ART3: variants seen among roughly 807,000 people sequenced by gnomAD.
ART3 encodes the protein ADP-ribosyltransferase 3 (inactive).
A neutral mutation model predicts 48.5 loss-of-function variants in ART3; 49 were observed. That is an observed-to-expected ratio of 1.01 (90% confidence interval 0.80 to 1.28). ART3 has a LOEUF of 1.28. Ranked by LOEUF, ART3 falls within the 50% of genes most tolerant of loss-of-function variation. The pLI is 0.00. For synonymous variants in ART3, 145 were observed against 157.2 expected (o/e 0.92, Z 0.58); for missense variants, 438 against 454.3 (o/e 0.96, Z 0.33).
intron 1 of ART3, among the ~76,000 whole-genome samples, chr4:76,068,185 TAAA>T (rs1319911403): frequency 6.6e-6 from 1 of 152,214 alleles, no homozygotes; most frequent in African/African-American, 2.4e-5. Flanking sequence ...CTTATGTAAA[TAAA>T]ATTCACAAAT....
At chr4:76,089,863 C>T (rs777407738) in intron 3 of ART3, among the ~76,000 whole-genome samples, 13 of 152,178 alleles carry the variant, frequency 8.5e-5, no homozygotes, top group Admixed American at 3.3e-4. Flanking sequence ...GGGCAGATCA[C>T]GGGGTCAGGT....
intron 1 of ART3, chr4:76,075,348 C>G (rs1720821016): frequency 6.6e-6 from 1 of 152,416 alleles, no homozygotes; most frequent in Admixed American, 6.5e-5. Flanking sequence ...TCTGACAATC[C>G]ACTGCTTTGT....
At chr4:76,097,818 A>G in intron 4 of ART3, 142 bp downstream of exon 4, 1 of 691,626 alleles carries the variant, frequency 1.4e-6, no homozygotes, top group Non-Finnish European at 2.5e-6. Flanking sequence ...TACTACTGCT[A>G]GTACCTTTTC....
chr4:76,065,829 G>C (rs184086582), intron 1 of ART3, among the ~76,000 whole-genome samples: 1 of 151,670 alleles, frequency 6.6e-6, no homozygotes, highest in African/African-American at 2.4e-5. Context: ...GGGATAATAC[G>C]CATTATTTTG....
At chr4:76,108,514 A>G (rs965480578) in intron 11 of ART3, among the ~76,000 whole-genome samples, 16 of 152,116 alleles carry the variant, frequency 1.1e-4, no homozygotes, top group African/African-American at 3.9e-4. Flanking sequence ...AGAGCACTGC[A>G]GGATATCTAT....
intron 1 of ART3, among the ~76,000 whole-genome samples, chr4:76,037,658 C>G (rs1291502415): frequency 6.6e-6 from 1 of 151,962 alleles, no homozygotes. Flanking sequence ...GAAAGGAATA[C>G]ATTGTTTTAC....
At chr4:76,017,163 A>C (rs1205043035) in intron 1 of ART3, among the ~76,000 whole-genome samples, 1 of 151,824 alleles carries the variant, frequency 6.6e-6, no homozygotes, top group Non-Finnish European at 1.5e-5. Flanking sequence ...TATGACCACC[A>C]CAGTTGGGAA....
chr4:76,022,581 T>G, intron 1 of ART3: 1 of 1,483,554 alleles, frequency 6.7e-7, no homozygotes, highest in Non-Finnish European at 9.2e-7. Flanking sequence ...TGTACATTAG[T>G]TTTAGAATCA....
At chr4:76,020,070 C>T (rs1038097998) in intron 1 of ART3, among the ~76,000 whole-genome samples, 2 of 150,812 alleles carry the variant, frequency 1.3e-5, no homozygotes, top group African/African-American at 2.4e-5. Flanking sequence ...ATGTTAGGGG[C>T]TTATGCTTCT....
intron 1 of ART3, among the ~76,000 whole-genome samples, chr4:76,030,208 C>T (rs1235667843): frequency 6.6e-6 from 1 of 152,212 alleles, no homozygotes; most frequent in Non-Finnish European, 1.5e-5. Flanking sequence ...AGGCATGCAC[C>T]ACCATGCCCA....
intron 1 of ART3, among the ~76,000 whole-genome samples, chr4:76,026,406 A>G (rs1733389263): frequency 6.6e-6 from 1 of 152,188 alleles, no homozygotes; most frequent in Non-Finnish European, 1.5e-5. Context: ...GGATAGAAGG[A>G]TGGTTGAATG....
intron 1 of ART3, among the ~76,000 whole-genome samples, chr4:76,045,152 T>C (rs4529084): frequency 0.62 from 93,655 of 151,852 alleles, 30,244 homozygotes; most frequent in East Asian, 0.94. Context: ...ATCCCATTCT[T>C]CACAAATGAA....
upstream of ART3, among the ~76,000 whole-genome samples, chr4:76,070,619 A>C (rs1289156503): frequency 6.6e-6 from 1 of 152,198 alleles, no homozygotes. Flanking sequence ...CTGGAGAAAA[A>C]TACAACCATC....
chr4:76,053,683 G>A (rs867363313), intron 1 of ART3, among the ~76,000 whole-genome samples: 6 of 152,126 alleles, frequency 3.9e-5, no homozygotes, highest in Non-Finnish European at 7.3e-5. Flanking sequence ...ATTCAAAGTC[G>A]CATATGTTAA....
Position 76,065,526 on chromosome 4 carries a change from C to T in ART3, c.-9-10355C>T, listed in dbSNP as rs549814390. ...TGGCCTTATTCAAGGACCTCCTGAA[C>T]CTCCCACACTCTGATATAACCCTCC... is the stretch of plus-strand genomic sequence containing the variant. On this transcript the variant is annotated intron_variant, in intron 1 of 9. Transcript: ENST00000341029. 6.5e-5 allele frequency among the ~76,000 whole-genome samples: 9 copies of T among 139,396 alleles called. No homozygotes were observed. In the East Asian group the frequency reaches 2.0e-3, roughly 31 times the overall value. The allele number at this position is 139,396 out of a possible 152,430, so 91.4% of individuals were successfully genotyped here.
intron 1 of ART3, among the ~76,000 whole-genome samples, chr4:76,018,217 T>C (rs1732437978): frequency 6.6e-6 from 1 of 152,246 alleles, no homozygotes; most frequent in Non-Finnish European, 1.5e-5. Flanking sequence ...AACGGTGGAC[T>C]TCATAAAGAA....
chr4:76,079,914 T>TCACA (rs1384692944), intron 2 of ART3, among the ~76,000 whole-genome samples: 16 of 137,900 alleles, frequency 1.2e-4, no homozygotes, highest in Admixed American at 3.0e-4. Flanking sequence ...TCTCTCTCTC[T>TCACA]CTCTCACACA....
chr4:76,088,028 G>C (rs13134121), intron 3 of ART3, among the ~76,000 whole-genome samples: 1 of 151,694 alleles, frequency 6.6e-6, no homozygotes, highest in African/African-American at 2.4e-5. Context: ...GAGGGATTCA[G>C]GTGCAGCCTG....
At chr4:76,069,426 A>G (rs759510906) in intron 1 of ART3, among the ~76,000 whole-genome samples, 16 of 119,434 alleles carry the variant, frequency 1.3e-4, no homozygotes, top group Admixed American at 2.4e-4. Flanking sequence ...GTCTGTCTCT[A>G]TCACCCAGGC....
Sources: allele counts gnomAD v4.1 joint callset (sites outside exome capture counted in the v4.1 genomes callset), GRCh38; gene constraint gnomAD v4.1.1; transcripts MANE v1.5; gene names NCBI Gene and HGNC (gene_info 2026-07-23, HGNC 2026-07-21).